Variants in SPON2 observed in about 807,000 individuals in gnomAD.
SPON2 encodes the protein spondin 2, also known as spondin-2.
A neutral mutation model predicts 29.9 loss-of-function variants in SPON2; 32 were observed. The observed-to-expected ratio is 1.07, with a 90% CI of 0.81 to 1.44. The LOEUF is 1.44. Ranked by LOEUF, SPON2 falls within the 40% of genes most tolerant of loss-of-function variation. The pLI is 0.00. For missense variants in SPON2, 541 were observed against 455.5 expected (o/e 1.19, Z -1.71); for synonymous variants, 248 against 209.1 (o/e 1.19, Z -1.61).
intron 1 of SPON2, chr4:1,201,388 G>A (rs1269767237): frequency 3.2e-6 from 1 of 317,184 alleles, no homozygotes; most frequent in Non-Finnish European, 6.3e-6. Flanking sequence ...GGTCAGCAAT[G>A]CAGGCAGGTG....
At chr4:1,201,644 G>A (rs904801337) in intron 1 of SPON2, among the ~76,000 whole-genome samples, 2 of 151,966 alleles carry the variant, frequency 1.3e-5, no homozygotes, top group Admixed American at 6.5e-5. Flanking sequence ...GTGCAGTGGC[G>A]TGATCTCGGC....
At chr4:1,183,579 T>G (rs1056499107) in intron 1 of SPON2, among the ~76,000 whole-genome samples, 23 of 152,236 alleles carry the variant, frequency 1.5e-4, no homozygotes, top group Admixed American at 6.5e-5. Context: ...AACTCCACGT[T>G]TTGTTCATAC....
Position 1,170,529 on chromosome 4 carries a change from C to A in SPON2, c.684G>T (p.Pro228=). 6.2e-7 allele frequency: 1 copy of A among 1,613,898 alleles called. No homozygotes were observed. The highest frequency in any genetic ancestry group is 8.5e-7 in the Non-Finnish European group (1 of 1,179,890). The change falls in exon 5 of 6, where the codon CCG becomes CCT. Residue 228 remains proline, a synonymous_variant. Transcript: ENST00000290902. Reference sequence around the variant, plus strand: ...CGATGGGAGGCAGGGCCTTCAGCCGCGGGTAGTAGAAGGAGTTGGCCGGGT... The same window carrying A: ...CGATGGGAGGCAGGGCCTTCAGCCGAGGGTAGTAGAAGGAGTTGGCCGGGT... The part of the protein sequence containing the change: ...PSHPANSFYY[P]RLKALPPIAR...
chr4:1,207,150 G>T (rs578206206), intron 1 of SPON2, among the ~76,000 whole-genome samples: 1 of 152,078 alleles, frequency 6.6e-6, no homozygotes, highest in Admixed American at 6.5e-5. Context: ...GACCTGGGAC[G>T]CCAGGGCTGC....
upstream of SPON2, among the ~76,000 whole-genome samples, chr4:1,174,931 G>A (rs949620813): frequency 1.3e-5 from 2 of 152,202 alleles, no homozygotes; most frequent in Non-Finnish European, 2.9e-5. Context: ...CTCGAAAGCC[G>A]CCGTGTGCCC....
At chr4:1,204,538 C>T (rs1320791498) in intron 1 of SPON2, among the ~76,000 whole-genome samples, 1 of 152,044 alleles carries the variant, frequency 6.6e-6, no homozygotes, top group Non-Finnish European at 1.5e-5. Context: ...GCACCAGCTC[C>T]ACACGGGGCT....
Position 1,171,371 on chromosome 4 carries a change from C to T in SPON2, c.336G>A (p.Ala112=), listed in dbSNP as rs745460257. 1.2e-6 allele frequency: 2 copies of T among 1,611,910 alleles called. No individual in the cohort carries two copies. The highest frequency in any genetic ancestry group is 2.2e-5 in the East Asian group (1 of 44,862). The part of the protein sequence containing the change: ...EAWALMKEIE[A]AGEALQSVHA... ...GCACGCTCTGCAGCGCCTCCCCCGC[C>T]GCCTCGATCTCCTTCATCAGCGCCC... The change falls in exon 3 of 6, where the codon GCG becomes GCA. Residue 112 remains alanine, a synonymous_variant. Transcript: ENST00000290902.
upstream of SPON2, among the ~76,000 whole-genome samples, chr4:1,196,180 G>T (rs577889855): frequency 1.6e-4 from 24 of 152,352 alleles, no homozygotes; most frequent in African/African-American, 5.8e-4. Context: ...CAGGGCTCAT[G>T]GGGGAGGCCC....
chr4:1,201,150 C>T, intron 1 of SPON2: 1 of 455,662 alleles, frequency 2.2e-6, no homozygotes, highest in Non-Finnish European at 4.4e-6. Flanking sequence ...CCCAGATTCC[C>T]TGCAGGCCAA....
At chr4:1,188,827 T>A (rs1727851268) in intron 1 of SPON2, among the ~76,000 whole-genome samples, 1 of 152,196 alleles carries the variant, frequency 6.6e-6, no homozygotes, top group Admixed American at 6.5e-5. Context: ...CTAACCCACC[T>A]AGACTTGGCA....
intron 1 of SPON2, among the ~76,000 whole-genome samples, chr4:1,182,991 C>T (rs1238586236): frequency 6.6e-6 from 1 of 152,014 alleles, no homozygotes; most frequent in Non-Finnish European, 1.5e-5. Context: ...TGAGAGAGGG[C>T]TGGGTGTGGT....
intron 1 of SPON2, among the ~76,000 whole-genome samples, chr4:1,185,328 G>A (rs1016447016): frequency 3.3e-5 from 5 of 151,082 alleles, no homozygotes; most frequent in Admixed American, 6.6e-5. Flanking sequence ...TGCCCACCTC[G>A]GCCTCCCAAA....
intron 1 of SPON2, among the ~76,000 whole-genome samples, chr4:1,180,181 G>C (rs1727679486): frequency 6.6e-6 from 1 of 152,096 alleles, no homozygotes; most frequent in African/African-American, 2.4e-5. Context: ...GTTGTTAACT[G>C]CCCGACTGAG....
chr4:1,186,213 C>T (rs2108661635), intron 1 of SPON2, among the ~76,000 whole-genome samples: 1 of 146,356 alleles, frequency 6.8e-6, no homozygotes, highest in East Asian at 2.0e-4. Context: ...CACTATACTC[C>T]AGCTTGGGTG....
At chr4:1,194,399 G>T (rs6840196) in intron 1 of SPON2, among the ~76,000 whole-genome samples, 2 of 152,030 alleles carry the variant, frequency 1.3e-5, no homozygotes, top group African/African-American at 2.4e-5. Context: ...ACCAGCCCCC[G>T]GGGGACAGCG....
chr4:1,170,792 C>G (rs749502272), intron 4 of SPON2: 1 of 951,366 alleles, frequency 1.1e-6, no homozygotes, highest in South Asian at 1.4e-5. Flanking sequence ...GTCCCGCTGT[C>G]CTCCCTGCGG....
chr4:1,179,651 G>A (rs1727670936), intron 1 of SPON2: 1 of 152,148 alleles, frequency 6.6e-6, no homozygotes, highest in Non-Finnish European at 1.5e-5. Flanking sequence ...CTGAATCTTG[G>A]TAAGAACAGC....
intron 2 of SPON2, 93 bp from the exon 3 acceptor site, chr4:1,171,579 G>T (rs1168504267): frequency 2.3e-6 from 3 of 1,299,490 alleles, no homozygotes; most frequent in African/African-American, 1.5e-5. Flanking sequence ...CCTCCCCGCC[G>T]CCCGCAGGGA....
chr4:1,170,609 TC>T, intron 4 of SPON2, 33 bp from the exon 5 acceptor site: 1 of 1,585,484 alleles, frequency 6.3e-7, no homozygotes, highest in Non-Finnish European at 8.6e-7. Flanking sequence ...TGGCCTGGGG[TC>T]CGAGAAGCCC....
Sources: allele counts gnomAD v4.1 joint callset (sites outside exome capture counted in the v4.1 genomes callset), GRCh38; gene constraint gnomAD v4.1.1; transcripts MANE v1.5; gene names NCBI Gene and HGNC (gene_info 2026-07-23, HGNC 2026-07-21).